LHFPL4: variants seen among roughly 807,000 people sequenced by gnomAD.
LHFPL4 encodes LHFPL tetraspan subfamily member 4 protein.
Under a neutral mutation model 20.0 loss-of-function variants are expected in LHFPL4, and 6 were observed. The observed-to-expected ratio is 0.30, with a 90% confidence interval of 0.16 to 0.59. The LOEUF is 0.59. Among genes scored for constraint, LHFPL4 ranks in the 20% least tolerant of loss-of-function variants. The pLI, the probability that LHFPL4 is intolerant of heterozygous loss-of-function variation, is 0.88. For synonymous variants in LHFPL4, 129 were observed against 143.8 expected, an observed-to-expected ratio of 0.90 and a Z score of 0.74; for missense variants, 215 against 331.2, an observed-to-expected ratio of 0.65 and a Z score of 2.72.
At chr3:9,541,721 G>A (rs192989332) in intron 2 of LHFPL4, among the ~76,000 whole-genome samples, 98 of 150,348 alleles carry the variant, frequency 6.5e-4, no homozygotes, top group Admixed American at 1.5e-3. Context: ...GCAATGAGTC[G>A]AGATCGCACC....
chr3:9,546,314 G>GAA (rs34993981), intron 2 of LHFPL4, among the ~76,000 whole-genome samples: 57 of 130,816 alleles, frequency 4.4e-4, no homozygotes, highest in Non-Finnish European at 6.0e-4. Context: ...GACTCGGTCT[G>GAA]AAAAAAAAAA....
chr3:9,526,881 C>T (rs1355095170), intron 2 of LHFPL4, among the ~76,000 whole-genome samples: 1 of 151,948 alleles, frequency 6.6e-6, no homozygotes, highest in African/African-American at 2.4e-5. Flanking sequence ...TGAGGCCCTG[C>T]CCACACTTTG....
intron 2 of LHFPL4, among the ~76,000 whole-genome samples, chr3:9,518,925 G>GTTTGTTTGTTTA (rs1553647114): frequency 1.4e-5 from 2 of 145,048 alleles, no homozygotes; most frequent in Admixed American, 1.4e-4. Flanking sequence ...GCTAATTTTT[G>GTTTGTTTGTTTA]TTTATTTATT....
chr3:9,512,134 T>C (rs2125657074), intron 2 of LHFPL4, among the ~76,000 whole-genome samples: 1 of 152,222 alleles, frequency 6.6e-6, no homozygotes, highest in Admixed American at 6.5e-5. Flanking sequence ...GGGTTTCAAG[T>C]GTTAGCCAGG....
At chr3:9,542,856 A>T (rs2046486384) in intron 2 of LHFPL4, among the ~76,000 whole-genome samples, 1 of 151,666 alleles carries the variant, frequency 6.6e-6, no homozygotes, top group South Asian at 2.1e-4. Flanking sequence ...CATTTATATG[A>T]AGTGTCTAGA....
At chr3:9,544,326 T>G (rs984538948) in intron 2 of LHFPL4, among the ~76,000 whole-genome samples, 13 of 151,482 alleles carry the variant, frequency 8.6e-5, no homozygotes, top group Non-Finnish European at 1.8e-4. Context: ...TGAACTGCTG[T>G]CTACAAGTAA....
intron 2 of LHFPL4, among the ~76,000 whole-genome samples, chr3:9,541,869 G>A (rs979844418): frequency 5.3e-5 from 8 of 152,108 alleles, no homozygotes; most frequent in African/African-American, 1.9e-4. Flanking sequence ...CTTGGATTTG[G>A]CAAGCCACTT....
At chr3:9,518,666 G>T (rs1373529281) in intron 2 of LHFPL4, among the ~76,000 whole-genome samples, 1 of 142,918 alleles carries the variant, frequency 7.0e-6, no homozygotes, top group Non-Finnish European at 1.6e-5. Context: ...TTTCATCTAG[G>T]TTATCAAATT....
rs1020847773 is a variant in LHFPL4, at chr3:9,506,662, C to T, written c.407-459G>A. ...ATGGCGTGATCTCGGCTCACTGTAA[C>T]CTCCACCTCCCGGGCTCAAGCAATT... On this transcript the variant is annotated intron_variant, in intron 2 of 3. Transcript: ENST00000287585. This position sits in a 1 kb window ranked among gnomAD's most constrained non-coding sequence, Gnocchi z 4.5. Among the ~76,000 whole-genome samples the T allele has an allele frequency of 1.1e-5, 1 of 87,654 alleles. No homozygotes were observed. The highest frequency in any genetic ancestry group is 2.3e-5 in the Non-Finnish European group (1 of 43,614). The allele number at this position is 87,654 out of a possible 152,430, so 57.5% of individuals were successfully genotyped here.
chr3:9,518,925 G>GTTTATTTATTTATTTA (rs111239616), intron 2 of LHFPL4, among the ~76,000 whole-genome samples: 21,465 of 144,888 alleles, frequency 0.15, 1,776 homozygotes, highest in Non-Finnish European at 0.17. Flanking sequence ...GCTAATTTTT[G>GTTTATTTATTTATTTA]TTTATTTATT....
Position 9,552,805 on chromosome 3 carries a change from C to A in LHFPL4, c.-126G>T. 2.5e-6 allele frequency: 1 copy of A among 404,430 alleles called. No individual in the cohort carries two copies. The allele number at this position is 404,430 out of a possible 1,614,324, so 25.1% of individuals were successfully genotyped here. A position where few individuals can be genotyped will look rare whatever the true frequency, so the allele number is the denominator to read the frequency against. On this transcript the variant is annotated 5_prime_UTR_variant, in exon 2 of 4. Coordinates refer to ENST00000287585, the MANE Select transcript of LHFPL4 (RefSeq NM_198560.3). ...AAGCGGCCCTGAGTCAAGGAACCCG[C>A]GAGGGCGGGGCCTGGGGCAGAGCTG...
At chr3:9,543,916 TTTC>T (rs1321543787) in intron 2 of LHFPL4, among the ~76,000 whole-genome samples, 1 of 151,648 alleles carries the variant, frequency 6.6e-6, no homozygotes, top group Non-Finnish European at 1.5e-5. Flanking sequence ...AGAGATGGGG[TTTC>T]ACCATGTTGC....
At chr3:9,521,501 C>T (rs964652111) in intron 2 of LHFPL4, among the ~76,000 whole-genome samples, 2 of 151,836 alleles carry the variant, frequency 1.3e-5, no homozygotes, top group Non-Finnish European at 1.5e-5. Context: ...TCCAGCTTCA[C>T]GCCATTCTCC....
chr3:9,548,145 C>T (rs1331653664), intron 2 of LHFPL4, among the ~76,000 whole-genome samples: 1 of 152,094 alleles, frequency 6.6e-6, no homozygotes, highest in East Asian at 1.9e-4. Flanking sequence ...AGTTACAATT[C>T]GGGCTCCACC....
At chr3:9,528,070 C>A (rs555905138) in intron 2 of LHFPL4, among the ~76,000 whole-genome samples, 15 of 152,136 alleles carry the variant, frequency 9.9e-5, no homozygotes, top group African/African-American at 1.4e-4. Flanking sequence ...TCTGAGCCAG[C>A]CTTCAGCAAG....
chr3:9,544,115 G>A (rs2046496271), intron 2 of LHFPL4, among the ~76,000 whole-genome samples: 1 of 152,060 alleles, frequency 6.6e-6, no homozygotes, highest in African/African-American at 2.4e-5. Context: ...AAATTTCTTG[G>A]AAAGGGTACT....
At chr3:9,551,731 T>C (rs2046555620) in intron 2 of LHFPL4, among the ~76,000 whole-genome samples, 1 of 152,088 alleles carries the variant, frequency 6.6e-6, no homozygotes, top group African/African-American at 2.4e-5. Context: ...CCTCTCCCCC[T>C]TATCACAGCA....
intron 2 of LHFPL4, among the ~76,000 whole-genome samples, chr3:9,523,239 G>A (rs1040065781): frequency 2.7e-5 from 4 of 149,232 alleles, no homozygotes; most frequent in East Asian, 2.1e-4. Context: ...AAAATTAGCC[G>A]GGCGTGGTGG....
intron 2 of LHFPL4, among the ~76,000 whole-genome samples, chr3:9,527,598 T>C (rs768245760): frequency 6.6e-6 from 1 of 151,802 alleles, no homozygotes; most frequent in Non-Finnish European, 1.5e-5. Flanking sequence ...TCTCAGCTAT[T>C]TGGAAGGCTG....
Sources: allele counts gnomAD v4.1 joint callset (sites outside exome capture counted in the v4.1 genomes callset), GRCh38; gene constraint gnomAD v4.1.1; non-coding constraint Gnocchi (gnomAD v3.1); transcripts MANE v1.5; gene names NCBI Gene and HGNC (gene_info 2026-07-23, HGNC 2026-07-21).